Variants in CNKSR2 observed in about 807,000 individuals in gnomAD.
CNKSR2 encodes the protein connector enhancer of kinase suppressor of Ras 2.
CNKSR2 carries 14 observed loss-of-function variants against 84.4 expected under a neutral mutation model. The observed-to-expected ratio is 0.17, with a 90% CI of 0.11 to 0.26. The LOEUF (loss-of-function observed/expected upper bound fraction) is 0.26. Among genes scored for constraint, CNKSR2 ranks in the 10% least tolerant of loss-of-function variants. CNKSR2 has a pLI of 1.00. For synonymous variants in CNKSR2, 275 were observed against 277.9 expected, an observed-to-expected ratio of 0.99 and a Z score of 0.10; for missense variants, 485 against 771.2, an observed-to-expected ratio of 0.63 and a Z score of 4.40.
chrX:21,481,932 C>A (rs1433773697), intron 5 of CNKSR2, among the ~76,000 whole-genome samples: 1 of 111,618 alleles, frequency 9.0e-6, no homozygotes, highest in Admixed American at 9.5e-5. Flanking sequence ...CTACTTACAC[C>A]TCCCTGTAGG....
At chrX:21,509,775 C>T (rs2091652370) in intron 8 of CNKSR2, among the ~76,000 whole-genome samples, 1 of 111,460 alleles carries the variant, frequency 9.0e-6, no homozygotes, top group African/African-American at 3.2e-5. Flanking sequence ...TAGATTGGTA[C>T]TCATTATTTA....
At chrX:21,650,018 G>A (rs1407966371) in intron 21 of CNKSR2, among the ~76,000 whole-genome samples, 2 of 111,435 alleles carry the variant, frequency 1.8e-5, no homozygotes, top group Non-Finnish European at 3.8e-5. Flanking sequence ...ACAGTGTGGC[G>A]ATTCCTCAAG....
chrX:21,606,789 T>C lies in CNKSR2; in HGVS notation c.2055T>C (p.Ser685=), dbSNP rs201577018. The C allele has an allele frequency of 7.6e-5, 90 of 1,177,123 alleles. No individual in the cohort carries two copies. The East Asian group carries it at 2.6e-3, about 35-fold the overall frequency. The change falls in exon 19 of 22, where the codon AGT becomes AGC. Residue 685 remains serine, a synonymous_variant. Coordinates refer to ENST00000379510, the MANE Select transcript of CNKSR2 (RefSeq NM_014927.5). ...ERIKQEQDYW[S]ESDKEEADTP... is the part of the protein sequence containing the mutation. ...TCTGTGAATTTTCAGATTACTGGAG[T>C]GAGAGTGACAAGGAAGAAGCAGATA...
In CNKSR2 at chrX:21,426,570, C is replaced by T. The variant is rs1190780496; in HGVS notation, c.138C>T (p.Arg46=). ...AGATCAGTGGGGACCAGCTGCTGCG[C>T]ATTACACATCAGGAGCTAGAAGATC... The part of the protein sequence containing the change: ...REKISGDQLL[R]ITHQELEDLG... The change falls in exon 2 of 22, where the codon CGC becomes CGT. Residue 46 remains arginine, a synonymous_variant. Coordinates refer to ENST00000379510, the MANE Select transcript of CNKSR2 (RefSeq NM_014927.5). The T allele has an allele frequency of 8.3e-7, 1 of 1,206,072 alleles. No individual in the cohort carries two copies. Among genetic ancestry groups the T allele is most frequent in the Non-Finnish European group, 1.1e-6 (1 of 893,331 alleles).
At chrX:21,573,852 T>A (rs181440325) in intron 13 of CNKSR2, among the ~76,000 whole-genome samples, 26 of 112,257 alleles carry the variant, frequency 2.3e-4, no homozygotes, top group Admixed American at 5.6e-4. Context: ...CGGCTCCTTG[T>A]TACTCATGCA....
At chrX:21,420,768 TAA>T (rs2090485139) in intron 1 of CNKSR2, among the ~76,000 whole-genome samples, 1 of 110,457 alleles carries the variant, frequency 9.1e-6, no homozygotes. Flanking sequence ...AGATGCAAGA[TAA>T]AGTTTTCCCT....
At chrX:21,604,742 G>T (rs2092506235) in intron 18 of CNKSR2, among the ~76,000 whole-genome samples, 1 of 111,429 alleles carries the variant, frequency 9.0e-6, no homozygotes, top group Non-Finnish European at 1.9e-5. Flanking sequence ...TGCTGGCAGG[G>T]TGATCTTTCC....
rs1374314446 is a variant in CNKSR2, at chrX:21,374,549, T to C, written c.-349T>C. 2.2e-6 allele frequency: 1 copy of C among 459,076 alleles called. No homozygotes were observed. Among genetic ancestry groups the C allele is most frequent in the Non-Finnish European group, 3.8e-6 (1 of 261,365 alleles). 37.8% of individuals were successfully genotyped at this position (459,076 alleles called of 1,213,427 possible). A position where few individuals can be genotyped will look rare whatever the true frequency, so the allele number is the denominator to read the frequency against. On this transcript the variant is annotated 5_prime_UTR_variant, in exon 1 of 22. An upstream start codon of the reference 5' UTR is lost. Transcript: ENST00000379510. ...CGCGACCCCTCAGCAACTCAAGCTA[T>C]GAACTGAAGCTCCCTAGGGACGGAG...
At chrX:21,398,804 C>A (rs771057026) in intron 1 of CNKSR2, among the ~76,000 whole-genome samples, 2 of 111,802 alleles carry the variant, frequency 1.8e-5, no homozygotes, top group South Asian at 7.4e-4. Flanking sequence ...ATTGAACCAG[C>A]GGTTTTGAGT....
intron 20 of CNKSR2, among the ~76,000 whole-genome samples, chrX:21,647,540 G>A (rs1213104074): frequency 8.9e-6 from 1 of 111,769 alleles, no homozygotes; most frequent in Non-Finnish European, 1.9e-5. Flanking sequence ...TGTTAAAATC[G>A]TGGATTCTGG....
At chrX:21,610,050 C>A (rs1338366353) in intron 20 of CNKSR2, among the ~76,000 whole-genome samples, 2 of 112,059 alleles carry the variant, frequency 1.8e-5, no homozygotes, top group Non-Finnish European at 3.8e-5. Flanking sequence ...TACACACACA[C>A]CCACTCACAT....
At chrX:21,593,209 CAT>C (rs1194639634) in intron 15 of CNKSR2, 1 of 111,241 alleles carries the variant, frequency 9.0e-6, no homozygotes, top group Non-Finnish European at 1.9e-5. Flanking sequence ...GGTAAAGTAA[CAT>C]AGAAATTAAA....
chrX:21,497,924 G>A (rs1314355312), intron 7 of CNKSR2, 78 bp downstream of exon 7: 5 of 522,879 alleles, frequency 9.6e-6, no homozygotes, highest in Non-Finnish European at 1.4e-5. Context: ...TCACATGATT[G>A]AGGTTAACAT....
At chrX:21,387,388 G>A (rs1396633021) in intron 1 of CNKSR2, among the ~76,000 whole-genome samples, 1 of 111,199 alleles carries the variant, frequency 9.0e-6, no homozygotes, top group Non-Finnish European at 1.9e-5. Context: ...TGGCAGAGGT[G>A]GGAGGATCAC....
At position 21,652,460 on chromosome X, in the gene CNKSR2, A is replaced by C. The variant is rs2092723358; in HGVS notation, c.3044A>C (p.Glu1015Ala). The C allele has an allele frequency of 2.5e-6, 3 of 1,208,571 alleles. No homozygotes were observed. Among genetic ancestry groups the C allele is most frequent in the Non-Finnish European group, 3.4e-6 (3 of 893,768 alleles). The change falls in exon 22 of 22, where the codon GAA becomes GCA. Residue 1015 changes from glutamate to alanine, a missense_variant. By Grantham distance (107) the Glu-to-Ala change is moderately radical (BLOSUM62 -1). This residue lies in a region of CNKSR2 where 210 missense variants were observed against 291.5 expected (regional missense o/e 0.72). Transcript: ENST00000379510. ...AATGACCCACTGAGTATTTCTTCTG[A>C]AGTAGATGTAATCACTTCCTCTCTA... ...TSNDPLSISS[E>A]VDVITSSLAH...
intron 18 of CNKSR2, among the ~76,000 whole-genome samples, chrX:21,601,649 C>T (rs901622518): frequency 9.8e-5 from 11 of 112,004 alleles, no homozygotes; most frequent in Non-Finnish European, 2.1e-4. Context: ...TGAACCAAGT[C>T]CAGATCCTTA....
intron 8 of CNKSR2, among the ~76,000 whole-genome samples, chrX:21,508,279 A>C (rs1166334234): frequency 1.8e-5 from 2 of 112,373 alleles, no homozygotes; most frequent in Non-Finnish European, 3.8e-5. Context: ...GCAGAGGGCT[A>C]TGATCGTGCC....
At chrX:21,624,533 G>A (rs1306373663) in intron 20 of CNKSR2, among the ~76,000 whole-genome samples, 3 of 110,575 alleles carry the variant, frequency 2.7e-5, no homozygotes, top group African/African-American at 6.6e-5. Flanking sequence ...TTTTTGAGAC[G>A]GAGTCTCACT....
chrX:21,544,394 A>C (rs746764940), intron 11 of CNKSR2, among the ~76,000 whole-genome samples: 1 of 111,675 alleles, frequency 9.0e-6, no homozygotes, highest in African/African-American at 3.3e-5. Flanking sequence ...GGAATCTGAA[A>C]ACAGTTCAGC....
Sources: allele counts gnomAD v4.1 joint callset (sites outside exome capture counted in the v4.1 genomes callset), GRCh38; gene constraint gnomAD v4.1.1; regional missense constraint gnomAD v4.1.1; transcripts MANE v1.5; gene names NCBI Gene and HGNC (gene_info 2026-07-23, HGNC 2026-07-21).